NUP210: variants seen among roughly 807,000 people sequenced by gnomAD.
The protein encoded by NUP210 is nuclear pore membrane glycoprotein 210.
In NUP210, 151 loss-of-function variants were observed where a neutral mutation model predicts 196.0. The observed-to-expected ratio is 0.77, with a 90% CI of 0.67 to 0.88. The LOEUF (loss-of-function observed/expected upper bound fraction) is 0.88, where lower values mean the gene tolerates loss of function less well. Ranked by LOEUF, NUP210 falls within the 40% of genes least tolerant of loss-of-function variation. NUP210 has a pLI of 0.00. For missense variants in NUP210, 2,314 were observed against 2,493.7 expected, an observed-to-expected ratio of 0.93 and a Z score of 1.53; for synonymous variants, 1,070 against 1,052.7, an observed-to-expected ratio of 1.02 and a Z score of -0.32.
Position 13,341,827 on chromosome 3 carries a change from G to A in NUP210, c.3149C>T (p.Ala1050Val), listed in dbSNP as rs748373096. The change falls in exon 23 of 40, where the codon GCC becomes GTC. Residue 1050 changes from alanine to valine, a missense_variant. Ala to Val is a moderately conservative substitution (Grantham distance 64). Transcript: ENST00000254508. ...TGCAGTTAGACTGGTCTGGCCGATG[G>A]CCACACCGCGGATGAGGAATGTGAT... Reference protein sequence around the residue: ...YTITFLIRGVAIGQTSLTASV... With the variant: ...YTITFLIRGVVIGQTSLTASV... 3 of 1,614,104 alleles carry A rather than the reference G, an allele frequency of 1.9e-6. No individual in the cohort carries two copies. The highest frequency in any genetic ancestry group is 2.2e-5 in the East Asian group (1 of 44,894).
intron 35 of NUP210, among the ~76,000 whole-genome samples, 166 bp downstream of exon 35, chr3:13,322,027 A>T (rs116343898): frequency 1.6e-3 from 241 of 152,332 alleles, no homozygotes; most frequent in African/African-American, 5.4e-3. Flanking sequence ...CTCTGTGACC[A>T]GCAGTCCTCC....
intron 2 of NUP210, among the ~76,000 whole-genome samples, chr3:13,399,064 C>T (rs956202125): frequency 1.3e-5 from 2 of 151,934 alleles, no homozygotes; most frequent in African/African-American, 4.8e-5. Flanking sequence ...GTCAGGAGTT[C>T]GAGACCAGCC....
intron 15 of NUP210, among the ~76,000 whole-genome samples, chr3:13,359,291 C>G (rs1282829966): frequency 6.6e-6 from 1 of 152,080 alleles, no homozygotes; most frequent in African/African-American, 2.4e-5. Context: ...TGGGGTCATG[C>G]CAGGGATAAG....
chr3:13,358,425 C>T (rs1345648196), intron 15 of NUP210, 30 bp from the exon 16 acceptor site: 2 of 1,579,304 alleles, frequency 1.3e-6, no homozygotes, highest in Non-Finnish European at 1.7e-6. Context: ...AGTCAGACCC[C>T]CAAGCTTGAG....
In NUP210 at chr3:13,401,259, C is replaced by CAAAAAAAAAAAAAAAAAAA. The variant is rs71066952; in HGVS notation, c.168-1417_168-1399dup. Among the ~76,000 whole-genome samples, 58 of 43,822 alleles carry CAAAAAAAAAAAAAAAAAAA rather than the reference C, an allele frequency of 1.3e-3. 11 individuals are homozygous for CAAAAAAAAAAAAAAAAAAA. Among genetic ancestry groups the CAAAAAAAAAAAAAAAAAAA allele is most frequent in the Non-Finnish European group, 1.8e-3 (44 of 24,776 alleles). The allele number at this position is 43,822 out of a possible 152,430, so 28.7% of individuals were successfully genotyped here. A position where few individuals can be genotyped will look rare whatever the true frequency, so the allele number is the denominator to read the frequency against. On this transcript the variant is annotated intron_variant, in intron 1 of 39. Coordinates refer to ENST00000254508, the MANE Select transcript of NUP210 (RefSeq NM_024923.4). ...TGGGCAACAGAGTGAGACTCTGGCT[C>CAAAAAAAAAAAAAAAAAAA]AAAAAAAAAAAAAAAAAAAAAGGCA...
chr3:13,381,838 T>C (rs926958348), intron 6 of NUP210, among the ~76,000 whole-genome samples: 1 of 152,070 alleles, frequency 6.6e-6, no homozygotes, highest in Non-Finnish European at 1.5e-5. Flanking sequence ...CCCAGATTTG[T>C]TTCTGTCAGC....
At chr3:13,362,680 C>T (rs1396468239) in intron 14 of NUP210, among the ~76,000 whole-genome samples, 1 of 152,228 alleles carries the variant, frequency 6.6e-6, no homozygotes, top group East Asian at 1.9e-4. Context: ...TGTGCTCACA[C>T]ACAAACAATT....
At chr3:13,402,692 G>A (rs1559347510) in intron 1 of NUP210, among the ~76,000 whole-genome samples, 1 of 143,176 alleles carries the variant, frequency 7.0e-6, no homozygotes, top group Non-Finnish European at 1.5e-5. Context: ...CACAGGCCAC[G>A]TTTTCATTTT....
chr3:13,342,982 C>T (rs1697572708), intron 21 of NUP210, among the ~76,000 whole-genome samples, 193 bp downstream of exon 21: 1 of 152,172 alleles, frequency 6.6e-6, no homozygotes, highest in African/African-American at 2.4e-5. Context: ...ATGAAGAAGT[C>T]CCTTACTGAA....
At chr3:13,324,346 C>A (rs907556677) in intron 33 of NUP210, among the ~76,000 whole-genome samples, 16 of 152,154 alleles carry the variant, frequency 1.1e-4, no homozygotes, top group African/African-American at 3.4e-4. Context: ...TCAGAGGCCA[C>A]TTCTGGGCTG....
chr3:13,358,824 G>A (rs1698274945), intron 15 of NUP210, among the ~76,000 whole-genome samples: 1 of 152,258 alleles, frequency 6.6e-6, no homozygotes, highest in South Asian at 2.1e-4. Flanking sequence ...CAGGGCAAGC[G>A]AATCAGATAG....
chr3:13,343,339 T>TGGGGGGGGGGG, intron 20 of NUP210, 36 bp from the exon 21 acceptor site: 2 of 282,512 alleles, frequency 7.1e-6, no homozygotes, highest in East Asian at 8.4e-5. Flanking sequence ...GGGTGGGTGG[T>TGGGGGGGGGGG]GGGTTACGCA....
chr3:13,396,123 AT>A, intron 3 of NUP210, among the ~76,000 whole-genome samples: 1 of 152,202 alleles, frequency 6.6e-6, no homozygotes. Context: ...CCCCAGGGAC[AT>A]TTGGCCATGT....
intron 2 of NUP210, among the ~76,000 whole-genome samples, 171 bp downstream of exon 2, chr3:13,399,554 G>A (rs1699769418): frequency 6.6e-6 from 1 of 152,158 alleles, no homozygotes; most frequent in African/African-American, 2.4e-5. Context: ...CTGGCACAAG[G>A]CTTGGGATGG....
At chr3:13,391,402 C>A in intron 3 of NUP210, 95 bp from the exon 4 acceptor site, 1 of 735,920 alleles carries the variant, frequency 1.4e-6, no homozygotes, top group Non-Finnish European at 2.4e-6. Flanking sequence ...GCAGGAACCA[C>A]ACTCCACATC....
At chr3:13,321,374 C>T (rs972459090) in intron 36 of NUP210, among the ~76,000 whole-genome samples, 7 of 152,238 alleles carry the variant, frequency 4.6e-5, no homozygotes, top group East Asian at 3.8e-4. Flanking sequence ...AGACCAGCAG[C>T]GGTCAGAACA....
Position 13,380,204 on chromosome 3 carries a change from A to T in NUP210, c.818-483T>A, listed in dbSNP as rs1222628419. Among the ~76,000 whole-genome samples the T allele has an allele frequency of 3.9e-5, 6 of 152,134 alleles. No homozygotes were observed. In the East Asian group the frequency reaches 1.2e-3, roughly 29 times the overall value. ...GCTTCAGTGTTCCCCTGCCCTTCACACCCACTTGGCAGAAAAATAACTTGC... is the reference window on the plus strand; with the variant it reads ...GCTTCAGTGTTCCCCTGCCCTTCACTCCCACTTGGCAGAAAAATAACTTGC... On this transcript the variant is annotated intron_variant, in intron 6 of 39. Coordinates refer to ENST00000254508, the MANE Select transcript of NUP210 (RefSeq NM_024923.4).
chr3:13,388,553 C>T, intron 4 of NUP210, 100 bp from the exon 5 acceptor site: 1 of 1,277,226 alleles, frequency 7.8e-7, no homozygotes, highest in Non-Finnish European at 1.1e-6. Flanking sequence ...CCCACTGGGG[C>T]TGATGCTGAA....
rs747109070 is a variant in NUP210 at position 13,330,655 on chromosome 3, C to A, written c.3936-21G>T. 3.7e-6 allele frequency: 6 copies of A among 1,610,986 alleles called. No homozygotes were observed. The South Asian group carries it at 4.4e-5, about 12-fold the overall frequency. On this transcript the variant is annotated intron_variant, in intron 29 of 39. Transcript: ENST00000254508. ...CATCCCTTTGGAAAACAAAACAGAG[C>A]TGTTTTTGTAGATGGCAGCAGTGGG...
Sources: allele counts gnomAD v4.1 joint callset (sites outside exome capture counted in the v4.1 genomes callset), GRCh38; gene constraint gnomAD v4.1.1; transcripts MANE v1.5; gene names NCBI Gene and HGNC (gene_info 2026-07-23, HGNC 2026-07-21).